The following KDM6A variants were observed in gnomAD, a reference collection of about 807,000 sequenced individuals.
KDM6A encodes lysine-specific demethylase 6A.
In KDM6A, 11 loss-of-function variants were observed where a neutral mutation model predicts 117.6. The ratio of observed to expected loss-of-function variants is 0.09; its 90% CI spans 0.06 to 0.15. The LOEUF is 0.15. Among genes scored for constraint, KDM6A ranks in the 10% least tolerant of loss-of-function variants. KDM6A has a pLI of 1.00. For synonymous variants in KDM6A, 384 were observed against 396.1 expected (o/e 0.97, Z 0.36); for missense variants, 799 against 1,077.3 (o/e 0.74, Z 3.62).
intron 2 of KDM6A, among the ~76,000 whole-genome samples, chrX:44,932,725 T>G (rs1204744116): frequency 9.0e-6 from 1 of 111,057 alleles, no homozygotes; most frequent in East Asian, 2.8e-4. Flanking sequence ...TTGTTTTTCC[T>G]AATTTTTTTA....
intron 27 of KDM6A, among the ~76,000 whole-genome samples, chrX:45,094,503 A>G (rs1376464998): frequency 4.5e-5 from 5 of 111,807 alleles, no homozygotes; most frequent in African/African-American, 6.5e-5. Flanking sequence ...TATCTCCTTA[A>G]GTCCAGCACA....
At chrX:45,041,097 G>A (rs756674453) in intron 8 of KDM6A, among the ~76,000 whole-genome samples, 8 of 75,937 alleles carry the variant, frequency 1.1e-4, no homozygotes, top group South Asian at 7.8e-4. Context: ...CTCACCTCCC[G>A]GACGGGGTGG....
rs200646839 is a variant in KDM6A at position 44,889,563 on chromosome X, GA to G, written c.225+15577del. Reference sequence around the variant, plus strand: ...TTGAGGTTGCCCAGGTTTGTGCATTGACCCTATTGGCCAGGATGTTGTAAAC... The same window carrying G: ...TTGAGGTTGCCCAGGTTTGTGCATTGCCCTATTGGCCAGGATGTTGTAAAC... On this transcript the variant is annotated intron_variant, in intron 2 of 29. Transcript: ENST00000611820. Among the ~76,000 whole-genome samples the G allele has an allele frequency of 6.0e-3, 673 of 111,798 alleles. 5 individuals are homozygous for G. The highest frequency in any genetic ancestry group is 0.021 in the African/African-American group (633 of 30,746).
chrX:44,995,923 T>G (rs1174745211), intron 4 of KDM6A, among the ~76,000 whole-genome samples: 1 of 112,145 alleles, frequency 8.9e-6, no homozygotes, highest in African/African-American at 3.2e-5. Flanking sequence ...GGTAGTATTT[T>G]TAAGTATTTT....
At chrX:45,012,048 A>G (rs1338328435) in intron 5 of KDM6A, among the ~76,000 whole-genome samples, 1 of 110,468 alleles carries the variant, frequency 9.1e-6, no homozygotes, top group Non-Finnish European at 1.9e-5. Context: ...CAGCCTCCCA[A>G]AGTGCTGAGA....
At chrX:44,983,085 T>C (rs923456989) in intron 4 of KDM6A, among the ~76,000 whole-genome samples, 1 of 112,039 alleles carries the variant, frequency 8.9e-6, no homozygotes, top group Admixed American at 9.5e-5. Flanking sequence ...AGTGAGCTCT[T>C]TTAAAGAAAA....
intron 18 of KDM6A, among the ~76,000 whole-genome samples, chrX:45,071,253 G>A (rs1009413868): frequency 1.8e-5 from 2 of 111,594 alleles, no homozygotes; most frequent in Non-Finnish European, 3.8e-5. Context: ...TCTTTTTTTG[G>A]TTGTAGATTG....
At chrX:44,979,053 T>G (rs1292021985) in intron 4 of KDM6A, among the ~76,000 whole-genome samples, 1 of 112,319 alleles carries the variant, frequency 8.9e-6, no homozygotes, top group Non-Finnish European at 1.9e-5. Context: ...TTTGTCTTTG[T>G]GTGGACATGG....
chrX:45,033,323 C>T (rs1014914436), intron 6 of KDM6A, among the ~76,000 whole-genome samples: 1 of 111,552 alleles, frequency 9.0e-6, no homozygotes, highest in African/African-American at 3.3e-5. Flanking sequence ...GCTTAGTAGG[C>T]CAAGGGAAAA....
Position 44,873,629 on chromosome X carries a change from G to A in KDM6A, c.78G>A (p.Ala26=). ...AAFGDEEKKM[A]AGKASGESEE... The stretch of plus-strand genomic sequence containing the variant: ...TCGGTGATGAGGAAAAGAAAATGGC[G>A]GCGGGAAAAGCGAGCGGCGAGAGCG... The change falls in exon 1 of 30, where the codon GCG becomes GCA. Residue 26 remains alanine (A), a synonymous_variant. Coordinates refer to ENST00000611820, the MANE Select transcript of KDM6A (RefSeq NM_001291415.2). The A allele has an allele frequency of 8.3e-7, 1 of 1,199,628 alleles. No individual in the cohort carries two copies. Among genetic ancestry groups the A allele is most frequent in the Non-Finnish European group, 1.1e-6 (1 of 889,652 alleles).
chrX:45,039,345 C>T (rs2147806714), intron 8 of KDM6A, among the ~76,000 whole-genome samples: 1 of 109,645 alleles, frequency 9.1e-6, no homozygotes, highest in South Asian at 4.0e-4. Flanking sequence ...GTATTTTTGC[C>T]GGAGATGGAA....
chrX:45,029,584 C>G (rs1440504052), intron 6 of KDM6A, among the ~76,000 whole-genome samples: 1 of 105,814 alleles, frequency 9.5e-6, no homozygotes, highest in African/African-American at 3.6e-5. Flanking sequence ...TGCACTCCAG[C>G]CTGGGTGACA....
intron 2 of KDM6A, among the ~76,000 whole-genome samples, chrX:44,903,468 C>A (rs766873109): frequency 4.6e-4 from 51 of 111,650 alleles, no homozygotes; most frequent in African/African-American, 1.7e-3. Flanking sequence ...GCTTTTTGGA[C>A]GTGAGATTAA....
intron 4 of KDM6A, among the ~76,000 whole-genome samples, chrX:45,006,163 G>GCCC (rs746542278): frequency 6.9e-5 from 5 of 72,741 alleles, no homozygotes; most frequent in African/African-American, 1.7e-4. Flanking sequence ...CCAGCCCTGC[G>GCCC]CCCCCCCCCG....
chrX:45,086,045 A>T, intron 25 of KDM6A, 66 bp downstream of exon 25: 1 of 625,190 alleles, frequency 1.6e-6, no homozygotes, highest in South Asian at 2.3e-5. Flanking sequence ...ACGACAACTT[A>T]CCAAGCTGGA....
chrX:44,982,743 G>C (rs934430369), intron 4 of KDM6A, among the ~76,000 whole-genome samples: 2 of 111,411 alleles, frequency 1.8e-5, no homozygotes, highest in African/African-American at 6.5e-5. Context: ...TTTCCTAATT[G>C]GGCCTGATTG....
chrX:45,096,781 A>G (rs1451575985), intron 27 of KDM6A, among the ~76,000 whole-genome samples: 1 of 111,891 alleles, frequency 8.9e-6, no homozygotes, highest in African/African-American at 3.3e-5. Context: ...AATTAGTCCA[A>G]CCATTGTGGA....
At chrX:44,931,739 T>C (rs2036639623) in intron 2 of KDM6A, among the ~76,000 whole-genome samples, 1 of 111,870 alleles carries the variant, frequency 8.9e-6, no homozygotes, top group Non-Finnish European at 1.9e-5. Context: ...TTGATGTGTA[T>C]AGAATTTTAC....
intron 4 of KDM6A, among the ~76,000 whole-genome samples, chrX:44,996,916 G>A (rs2040886917): frequency 8.9e-6 from 1 of 111,742 alleles, no homozygotes. Context: ...TCATTTGGAA[G>A]TGAAATGGGA....
Sources: allele counts gnomAD v4.1 joint callset (sites outside exome capture counted in the v4.1 genomes callset), GRCh38; gene constraint gnomAD v4.1.1; transcripts MANE v1.5; gene names NCBI Gene and HGNC (gene_info 2026-07-23, HGNC 2026-07-21).